PRSS23: variants seen among roughly 807,000 people sequenced by gnomAD.
PRSS23 encodes serine protease 23.
In PRSS23, 25 loss-of-function variants were observed where a neutral mutation model predicts 34.7. That is an observed-to-expected ratio of 0.72 (90% CI 0.53 to 1.01). PRSS23 has a LOEUF of 1.01. PRSS23 is among the 50% of genes least tolerant of loss of function. The pLI is 0.00. For missense variants in PRSS23, 445 were observed against 475.6 expected (o/e 0.94, Z 0.60); for synonymous variants, 176 against 186.6 (o/e 0.94, Z 0.46).
At chr11:86,936,434 A>G (rs909276068) in intron 2 of PRSS23, 1 of 152,010 alleles carries the variant, frequency 6.6e-6, no homozygotes, top group Non-Finnish European at 1.5e-5. Context: ...CACCTGGCTA[A>G]TTTTGTATTT....
At chr11:86,944,792 T>C (rs932634004) in intron 2 of PRSS23, among the ~76,000 whole-genome samples, 8 of 152,240 alleles carry the variant, frequency 5.3e-5, no homozygotes, top group Admixed American at 2.0e-4. Context: ...TTAAATTACA[T>C]ACCTGCCTTC....
chr11:86,937,815 C>T (rs1038940196), intron 2 of PRSS23: 7 of 152,196 alleles, frequency 4.6e-5, no homozygotes, highest in Non-Finnish European at 8.8e-5. Flanking sequence ...CTTGCTTTCA[C>T]TTTATGGACT....
At position 86,950,820 on chromosome 11, in the gene PRSS23, T is replaced by G. The variant is rs1183599804; in HGVS notation, c.207-396T>G. 3 of 411,760 alleles carry G rather than the reference T, an allele frequency of 7.3e-6. No individual in the cohort carries two copies. In the East Asian group the frequency reaches 1.5e-4, roughly 21 times the overall value. 25.5% of individuals were successfully genotyped at this position (411,760 alleles called of 1,614,324 possible). A position where few individuals can be genotyped will look rare whatever the true frequency, so the allele number is the denominator to read the frequency against. The stretch of plus-strand genomic sequence containing the variant: ...AATCCCACCCTGCAGGGGAAAACAG[T>G]ATCGCCCTGGACTTCCTGGAATCTA... On this transcript the variant is annotated intron_variant, in intron 2 of 2. Coordinates refer to the PRSS23 transcript ENST00000533902.
intron 2 of PRSS23, among the ~76,000 whole-genome samples, chr11:86,879,969 G>T (rs1467675357): frequency 1.3e-5 from 2 of 151,996 alleles, no homozygotes; most frequent in Non-Finnish European, 2.9e-5. Flanking sequence ...TTGAGAACGG[G>T]CCATGATGAC....
At chr11:86,934,405 C>CA (rs1241432497) in intron 2 of PRSS23, 2 of 151,700 alleles carry the variant, frequency 1.3e-5, no homozygotes, top group African/African-American at 4.8e-5. Context: ...TCTACATTTT[C>CA]ACCTCTGCTC....
intron 1 of PRSS23, chr11:86,821,286 A>T: frequency 5.5e-6 from 3 of 542,538 alleles, no homozygotes; most frequent in Admixed American, 7.0e-5. Flanking sequence ...TCCTTTTCAT[A>T]TTCATCAAAT....
chr11:86,865,467 T>A (rs1218753153), intron 2 of PRSS23, among the ~76,000 whole-genome samples: 1 of 152,224 alleles, frequency 6.6e-6, no homozygotes, highest in Non-Finnish European at 1.5e-5. Context: ...GTGATGGAAA[T>A]GCTAAATCCA....
chr11:86,824,557 C>T (rs1226488663), intron 2 of PRSS23, among the ~76,000 whole-genome samples: 1 of 149,938 alleles, frequency 6.7e-6, no homozygotes, highest in East Asian at 2.0e-4. Context: ...TATACATGTG[C>T]CATGCTGGTG....
intron 2 of PRSS23, among the ~76,000 whole-genome samples, chr11:86,868,120 T>A (rs367648458): frequency 2.6e-5 from 4 of 152,014 alleles, no homozygotes; most frequent in South Asian, 4.2e-4. Context: ...AGCAAAGGCA[T>A]TTGAGACCAC....
At chr11:86,934,104 C>T (rs1171523592) in intron 2 of PRSS23, 1 of 152,106 alleles carries the variant, frequency 6.6e-6, no homozygotes, top group African/African-American at 2.4e-5. Context: ...CATTTATTTC[C>T]CCCAGTTCGG....
At chr11:86,923,961 T>C (rs1382501081) in intron 2 of PRSS23, among the ~76,000 whole-genome samples, 3 of 152,198 alleles carry the variant, frequency 2.0e-5, no homozygotes, top group Non-Finnish European at 4.4e-5. Flanking sequence ...GAATCGTATA[T>C]CATCAGAATC....
At chr11:86,883,849 G>T (rs1948785876) in intron 2 of PRSS23, among the ~76,000 whole-genome samples, 1 of 152,082 alleles carries the variant, frequency 6.6e-6, no homozygotes, top group Non-Finnish European at 1.5e-5. Flanking sequence ...GTTTTTAGGA[G>T]TGTGTTGTTT....
intron 2 of PRSS23, chr11:86,945,861 G>T (rs1949238318): frequency 6.6e-6 from 1 of 151,588 alleles, no homozygotes; most frequent in Non-Finnish European, 1.5e-5. Context: ...GTAGCAGGAA[G>T]TTTGCCTGGT....
chr11:86,893,558 G>T (rs1234364127), intron 2 of PRSS23, among the ~76,000 whole-genome samples: 1 of 152,062 alleles, frequency 6.6e-6, no homozygotes, highest in Non-Finnish European at 1.5e-5. Flanking sequence ...AGTCAACGCT[G>T]GTCCTCATGG....
chr11:86,827,264 T>G (rs892828640), intron 2 of PRSS23, among the ~76,000 whole-genome samples: 1 of 152,234 alleles, frequency 6.6e-6, no homozygotes, highest in Non-Finnish European at 1.5e-5. Flanking sequence ...CTTCCAGATT[T>G]TCTAGTTTAT....
chr11:86,800,950 G>C (rs775546622), intron 1 of PRSS23, among the ~76,000 whole-genome samples: 7 of 152,136 alleles, frequency 4.6e-5, no homozygotes, highest in African/African-American at 1.7e-4. Flanking sequence ...GAAGCAGAGA[G>C]AGCCGGCTCT....
intron 2 of PRSS23, among the ~76,000 whole-genome samples, chr11:86,851,303 G>A (rs1429437867): frequency 6.6e-6 from 1 of 152,208 alleles, no homozygotes. Flanking sequence ...GAGCTGTAAG[G>A]AAAGCCAGGG....
intron 2 of PRSS23, among the ~76,000 whole-genome samples, chr11:86,829,613 G>A (rs2134885918): frequency 6.6e-6 from 1 of 152,218 alleles, no homozygotes; most frequent in South Asian, 2.1e-4. Flanking sequence ...CCCCATCTTT[G>A]TGGTTTTATC....
Position 86,809,872 on chromosome 11 carries a change from G to C in PRSS23, c.*1077G>C, listed in dbSNP as rs1444353337. On this transcript the variant is annotated 3_prime_UTR_variant, in exon 2 of 2. Transcript: ENST00000280258. ...CAAAAATTATTCTGCATAGTTTTCA[G>C]TGTGCTTTCTGGGAGCTATGTACTT... The C allele has an allele frequency of 1.8e-5, 3 of 166,994 alleles. No homozygotes were observed. The highest frequency in any genetic ancestry group is 4.8e-5 in the African/African-American group (2 of 41,436). 10.3% of individuals were successfully genotyped at this position (166,994 alleles called of 1,614,324 possible). A position where few individuals can be genotyped will look rare whatever the true frequency, so the allele number is the denominator to read the frequency against.
Sources: allele counts gnomAD v4.1 joint callset (sites outside exome capture counted in the v4.1 genomes callset), GRCh38; gene constraint gnomAD v4.1.1; transcripts MANE v1.5; gene names NCBI Gene and HGNC (gene_info 2026-07-23, HGNC 2026-07-21).